The following CHM variants were observed in gnomAD, a reference collection of about 807,000 sequenced individuals.
CHM encodes CHM Rab escort protein, also known as rab proteins geranylgeranyltransferase component A 1.
In CHM, 10 loss-of-function variants were observed where a neutral mutation model predicts 49.0. That is an observed-to-expected ratio of 0.20 (90% CI 0.13 to 0.35). CHM has a LOEUF of 0.35. Ranked by LOEUF, CHM falls within the 10% of genes least tolerant of loss-of-function variation. CHM has a pLI of 1.00. For synonymous variants in CHM, 184 were observed against 167.5 expected, an observed-to-expected ratio of 1.10 and a Z score of -0.76; for missense variants, 455 against 478.4, an observed-to-expected ratio of 0.95 and a Z score of 0.46.
chrX:85,997,427 A>G (rs1453758711), intron 2 of CHM, among the ~76,000 whole-genome samples: 1 of 111,801 alleles, frequency 8.9e-6, no homozygotes, highest in African/African-American at 3.3e-5. Flanking sequence ...ATTATATTAT[A>G]ATTTCTATAT....
rs1175770653 is a variant in CHM at position 85,862,116 on chromosome X, T to C, written c.*2514A>G. On this transcript the variant is annotated 3_prime_UTR_variant, in exon 15 of 15. Transcript: ENST00000357749. ...ATCATGAATCATGTTCAGGAACTTTTAAACATTTCAATCATATTTAATAAA... is the reference window on the plus strand; with the variant it reads ...ATCATGAATCATGTTCAGGAACTTTCAAACATTTCAATCATATTTAATAAA... 3 of 112,149 alleles carry C rather than the reference T, an allele frequency of 2.7e-5. No individual in the cohort carries two copies. Among genetic ancestry groups the C allele is most frequent in the African/African-American group, 9.7e-5 (3 of 30,990 alleles). The allele number at this position is 112,149 out of a possible 1,213,427, so 9.2% of individuals were successfully genotyped here.
intron 2 of CHM, among the ~76,000 whole-genome samples, chrX:86,026,097 ATTTTCTTT>A (rs1933801774): frequency 3.3e-5 from 1 of 30,483 alleles, no homozygotes; most frequent in Non-Finnish European, 6.9e-5. Flanking sequence ...AAGGTAGCAG[ATTTTCTTT>A]TTTTTTTTTT....
At chrX:85,930,791 A>C (rs1415285922) in intron 8 of CHM, among the ~76,000 whole-genome samples, 2 of 111,946 alleles carry the variant, frequency 1.8e-5, no homozygotes, top group Non-Finnish European at 3.8e-5. Flanking sequence ...CCTTCCCCTC[A>C]TGAGAAATTC....
At chrX:85,954,016 C>T (rs1929886060) in intron 8 of CHM, among the ~76,000 whole-genome samples, 1 of 111,620 alleles carries the variant, frequency 9.0e-6, no homozygotes, top group South Asian at 3.7e-4. Flanking sequence ...TATCTGCAAA[C>T]TACCCGTCTA....
chrX:86,016,561 T>A (rs1933313050), intron 2 of CHM, among the ~76,000 whole-genome samples: 1 of 112,690 alleles, frequency 8.9e-6, no homozygotes, highest in Non-Finnish European at 1.9e-5. Context: ...CTTGGCAGCT[T>A]CCACATGTTG....
chrX:85,888,229 T>A (rs960612884), intron 12 of CHM, among the ~76,000 whole-genome samples: 7 of 111,916 alleles, frequency 6.3e-5, no homozygotes, highest in Non-Finnish European at 9.4e-5. Flanking sequence ...GTGCCCTGCA[T>A]CCCAGCTGCT....
intron 1 of CHM, among the ~76,000 whole-genome samples, chrX:86,033,346 A>G (rs756146895): frequency 8.0e-5 from 9 of 112,228 alleles, no homozygotes; most frequent in Non-Finnish European, 1.5e-4. Context: ...GAAACCATAA[A>G]TCACTCTTTA....
Position 85,960,616 on chromosome X carries a change from G to C in CHM, c.703-1639C>G, listed in dbSNP as rs188817141. On this transcript the variant is annotated intron_variant, in intron 5 of 14. Coordinates refer to ENST00000357749, the MANE Select transcript of CHM (RefSeq NM_000390.4). ...TTTTTTGTATTTTTAGTAGCACACA[G>C]GGTTTCACCATGTTGGTCAGGCTGG... Among the ~76,000 whole-genome samples the C allele has an allele frequency of 3.3e-3, 367 of 109,927 alleles. 2 individuals are homozygous for C. The highest frequency in any genetic ancestry group is 0.014 in the Middle Eastern group (3 of 213).
intron 9 of CHM, among the ~76,000 whole-genome samples, chrX:85,906,822 A>C: frequency 8.9e-6 from 1 of 112,286 alleles, no homozygotes; most frequent in East Asian, 2.8e-4. Flanking sequence ...ATTCATTACT[A>C]ACTTCCAAGT....
At chrX:86,006,087 T>C (rs1222831073) in intron 2 of CHM, among the ~76,000 whole-genome samples, 1 of 111,867 alleles carries the variant, frequency 8.9e-6, no homozygotes, top group Non-Finnish European at 1.9e-5. Context: ...GCTTCATTCC[T>C]GGGATGCAAG....
intron 12 of CHM, among the ~76,000 whole-genome samples, chrX:85,885,014 T>C (rs894530639): frequency 9.0e-6 from 1 of 110,745 alleles, no homozygotes; most frequent in East Asian, 2.8e-4. Flanking sequence ...ACAATATTAG[T>C]CAAACCTGAT....
rs1309756772 is a variant in CHM at position 85,862,051 on chromosome X, A to C, written c.*2579T>G. ...TTTTGAGGCAACAGGAAATATATAA[A>C]GTTCTTAAAGTCTTTTATCAGTTGT... On this transcript the variant is annotated 3_prime_UTR_variant, in exon 15 of 15. Coordinates refer to ENST00000357749, the MANE Select transcript of CHM (RefSeq NM_000390.4). 1 of 112,345 alleles carries C rather than the reference A, an allele frequency of 8.9e-6. No individual in the cohort carries two copies. Among genetic ancestry groups the C allele is most frequent in the Non-Finnish European group, 1.9e-5 (1 of 53,261 alleles). The allele number at this position is 112,345 out of a possible 1,213,427, so 9.3% of individuals were successfully genotyped here.
intron 2 of CHM, among the ~76,000 whole-genome samples, chrX:85,984,411 C>T (rs1377129547): frequency 9.1e-6 from 1 of 110,496 alleles, no homozygotes; most frequent in Non-Finnish European, 1.9e-5. Context: ...TACAAATGAG[C>T]ATATGAGATA....
chrX:85,971,837 C>G (rs1271885132), intron 4 of CHM, among the ~76,000 whole-genome samples: 1 of 111,098 alleles, frequency 9.0e-6, no homozygotes, highest in African/African-American at 3.3e-5. Context: ...TAGTTAGATA[C>G]AGAGTATAGA....
At chrX:85,983,428 G>C (rs1285228656) in intron 2 of CHM, among the ~76,000 whole-genome samples, 1 of 110,826 alleles carries the variant, frequency 9.0e-6, no homozygotes, top group Non-Finnish European at 1.9e-5. Context: ...AGAGAAGACA[G>C]AGGAATGTTA....
At position 86,047,393 on chromosome X, in the gene CHM, G is replaced by T. The variant is rs1048054662; in HGVS notation, c.49+91C>A. 4.8e-6 allele frequency: 4 copies of T among 835,555 alleles called. No individual in the cohort carries two copies. The African/African-American group carries it at 8.1e-5, about 17-fold the overall frequency. The allele number at this position is 835,555 out of a possible 1,213,427, so 68.9% of individuals were successfully genotyped here. ...GTTCTCCCTCCCACTCTCGACCCAC[G>T]ATGTTTGTCCCAAAACTCGCCACTG... is the stretch of plus-strand genomic sequence containing the variant. On this transcript the variant is annotated intron_variant, in intron 1 of 14. Transcript: ENST00000357749.
intron 2 of CHM, among the ~76,000 whole-genome samples, chrX:85,983,197 A>G (rs1931722585): frequency 9.0e-6 from 1 of 110,981 alleles, no homozygotes. Context: ...AATATAGATC[A>G]TATCGTACTT....
chrX:85,893,912 T>C (rs1925646158), intron 12 of CHM, among the ~76,000 whole-genome samples: 1 of 112,140 alleles, frequency 8.9e-6, no homozygotes, highest in Non-Finnish European at 1.9e-5. Context: ...AACCAGGTTT[T>C]CAATAAGCTA....
At chrX:85,989,766 G>T (rs1195198610) in intron 2 of CHM, among the ~76,000 whole-genome samples, 1 of 111,906 alleles carries the variant, frequency 8.9e-6, no homozygotes, top group African/African-American at 3.2e-5. Context: ...AATCATTAGA[G>T]AAATGAAAAT....
Sources: allele counts gnomAD v4.1 joint callset (sites outside exome capture counted in the v4.1 genomes callset), GRCh38; gene constraint gnomAD v4.1.1; transcripts MANE v1.5; gene names NCBI Gene and HGNC (gene_info 2026-07-23, HGNC 2026-07-21).